Variants in SGCZ observed in about 807,000 individuals in gnomAD.
The protein encoded by SGCZ is zeta-sarcoglycan.
Under a neutral mutation model 41.3 loss-of-function variants are expected in SGCZ, and 40 were observed. That is an observed-to-expected ratio of 0.97 (90% confidence interval 0.75 to 1.26). The LOEUF is 1.26. SGCZ is among the 50% of genes most tolerant of loss of function. The pLI, the probability that SGCZ is intolerant of heterozygous loss-of-function variation, is 0.00. For synonymous variants in SGCZ, 206 were observed against 137.5 expected (o/e 1.50, Z -3.49); for missense variants, 552 against 369.8 (o/e 1.49, Z -4.04).
chr8:15,075,748 C>G (rs1013436501), intron 1 of SGCZ, among the ~76,000 whole-genome samples: 4 of 152,138 alleles, frequency 2.6e-5, no homozygotes, highest in African/African-American at 7.2e-5. Flanking sequence ...TATTACATGC[C>G]AAAGAGACAA....
intron 2 of SGCZ, among the ~76,000 whole-genome samples, chr8:14,345,384 T>C (rs1248703826): frequency 6.6e-6 from 1 of 152,140 alleles, no homozygotes; most frequent in Non-Finnish European, 1.5e-5. Context: ...TTCTGGGATA[T>C]ATGTATGTCC....
At chr8:14,634,538 C>G (rs978461404) in intron 1 of SGCZ, among the ~76,000 whole-genome samples, 4 of 151,708 alleles carry the variant, frequency 2.6e-5, no homozygotes, top group African/African-American at 9.7e-5. Flanking sequence ...TAGTGGAAGC[C>G]TTTTAAATAA....
chr8:14,674,394 A>G lies in SGCZ; in HGVS notation c.40-119468T>C, dbSNP rs1454959585. ...TAAAACAGCTCATTTTTAAGATTAAATTTACAAGAAAAAAGATAAACTAAT... is the reference window on the plus strand; with the variant it reads ...TAAAACAGCTCATTTTTAAGATTAAGTTTACAAGAAAAAAGATAAACTAAT... On this transcript the variant is annotated intron_variant, in intron 1 of 7. Coordinates refer to ENST00000382080, the MANE Select transcript of SGCZ (RefSeq NM_139167.4). Among the ~76,000 whole-genome samples the G allele has an allele frequency of 6.6e-5, 10 of 152,290 alleles. No homozygotes were observed. The East Asian group carries it at 1.9e-3, about 29-fold the overall frequency.
intron 1 of SGCZ, among the ~76,000 whole-genome samples, chr8:15,177,222 G>C (rs545943949): frequency 6.6e-6 from 1 of 152,196 alleles, no homozygotes; most frequent in Admixed American, 6.5e-5. Context: ...AGAATCAAGA[G>C]AACACAATAT....
At chr8:14,733,711 A>G (rs913266065) in intron 1 of SGCZ, among the ~76,000 whole-genome samples, 2 of 152,214 alleles carry the variant, frequency 1.3e-5, no homozygotes, top group East Asian at 3.9e-4. Flanking sequence ...CTATGCTAAC[A>G]TGAGGGAAAG....
intron 1 of SGCZ, among the ~76,000 whole-genome samples, chr8:14,895,126 T>A (rs1025248497): frequency 6.6e-6 from 1 of 152,198 alleles, no homozygotes; most frequent in Non-Finnish European, 1.5e-5. Flanking sequence ...AATATGTACT[T>A]GCTCTTAATT....
Position 14,463,359 on chromosome 8 carries a change from G to C in SGCZ, c.234+91373C>G, listed in dbSNP as rs1247721765. On this transcript the variant is annotated intron_variant, in intron 2 of 7. Coordinates refer to ENST00000382080, the MANE Select transcript of SGCZ (RefSeq NM_139167.4). ...TAGTGTAGTACTGGAATAAACACAG[G>C]CATGTAGACCAATGGAAAAGAATAC... Among the ~76,000 whole-genome samples, 5 of 149,512 alleles carry C rather than the reference G, an allele frequency of 3.3e-5. No homozygotes were observed. The South Asian group carries it at 6.3e-4, about 19-fold the overall frequency.
rs563678986 is a variant in SGCZ at position 14,965,670 on chromosome 8, T to C, written c.39+271915A>G. Among the ~76,000 whole-genome samples the C allele has an allele frequency of 3.3e-5, 5 of 152,256 alleles. No individual in the cohort carries two copies. In the East Asian group the frequency reaches 9.6e-4, roughly 29 times the overall value. ...ATAGCATTTTTATAAATCAATACAT[T>C]AAGTGGAGAAAATATAATATGGACA... On this transcript the variant is annotated intron_variant, in intron 1 of 7. Coordinates refer to ENST00000382080, the MANE Select transcript of SGCZ (RefSeq NM_139167.4).
intron 1 of SGCZ, among the ~76,000 whole-genome samples, chr8:14,711,537 G>C (rs368703806): frequency 6.7e-6 from 1 of 149,318 alleles, no homozygotes; most frequent in Admixed American, 6.7e-5. Context: ...AGGAGGCAGA[G>C]GTTGTAGTGA....
In SGCZ at chr8:15,029,752, C is replaced by G. The variant is rs183280090; in HGVS notation, c.39+207833G>C. ...TTATCAATTTTTGATTATACTTTCTCTGTTTTGGGTAGCACAGTTTCAAGC... is the reference window on the plus strand; with the variant it reads ...TTATCAATTTTTGATTATACTTTCTGTGTTTTGGGTAGCACAGTTTCAAGC... On this transcript the variant is annotated intron_variant, in intron 1 of 7. Coordinates refer to ENST00000382080, the MANE Select transcript of SGCZ (RefSeq NM_139167.4). 1.3e-4 allele frequency among the ~76,000 whole-genome samples: 20 copies of G among 152,224 alleles called. No individual in the cohort carries two copies. The East Asian group carries it at 3.7e-3, about 28-fold the overall frequency.
intron 1 of SGCZ, among the ~76,000 whole-genome samples, chr8:14,685,975 C>T (rs1296800762): frequency 6.6e-6 from 1 of 152,024 alleles, no homozygotes; most frequent in African/African-American, 2.4e-5. Flanking sequence ...TACTCAACCA[C>T]AATATGGTGG....
chr8:14,323,219 T>C (rs1332563819), intron 3 of SGCZ, among the ~76,000 whole-genome samples: 1 of 152,156 alleles, frequency 6.6e-6, no homozygotes, highest in African/African-American at 2.4e-5. Context: ...AAAATAACTT[T>C]AATACAAATT....
At chr8:14,645,645 A>G (rs1476340513) in intron 1 of SGCZ, among the ~76,000 whole-genome samples, 1 of 151,510 alleles carries the variant, frequency 6.6e-6, no homozygotes, top group Non-Finnish European at 1.5e-5. Context: ...GAACACTTAT[A>G]ACACTATTAT....
chr8:15,200,986 T>G (rs1200031200), intron 1 of SGCZ, among the ~76,000 whole-genome samples: 2 of 152,020 alleles, frequency 1.3e-5, no homozygotes, highest in African/African-American at 4.8e-5. Context: ...CTCTCTCCCT[T>G]CCCCCACTAC....
chr8:15,108,501 GT>G, intron 1 of SGCZ, among the ~76,000 whole-genome samples: 1 of 152,274 alleles, frequency 6.6e-6, no homozygotes, highest in African/African-American at 2.4e-5. Context: ...TATATATTCA[GT>G]AAACAACCAT....
At chr8:14,695,446 C>CAAAAT (rs1808928281) in intron 1 of SGCZ, among the ~76,000 whole-genome samples, 2 of 151,908 alleles carry the variant, frequency 1.3e-5, no homozygotes, top group Admixed American at 1.3e-4. Flanking sequence ...CCAAAAGTAC[C>CAAAAT]ATGTAAGAGG....
intron 1 of SGCZ, among the ~76,000 whole-genome samples, chr8:15,146,109 T>C (rs1425923055): frequency 6.6e-6 from 1 of 150,946 alleles, no homozygotes; most frequent in African/African-American, 2.4e-5. Flanking sequence ...TCTGAGCAAT[T>C]TGAAATAAAT....
At chr8:14,776,897 C>A (rs1312251894) in intron 1 of SGCZ, among the ~76,000 whole-genome samples, 2 of 152,096 alleles carry the variant, frequency 1.3e-5, no homozygotes, top group South Asian at 2.1e-4. Flanking sequence ...ATAGACTGAC[C>A]ACAGAAATGT....
intron 3 of SGCZ, among the ~76,000 whole-genome samples, chr8:14,318,528 T>C (rs536748269): frequency 9.2e-5 from 14 of 152,050 alleles, no homozygotes; most frequent in African/African-American, 3.4e-4. Flanking sequence ...GATAAACTAA[T>C]GTGGATAGAG....
Sources: gnomAD v4.1 joint callset for allele counts (sites outside exome capture counted in the v4.1 genomes callset) on GRCh38, gnomAD v4.1.1 for gene constraint, MANE v1.5 for transcripts, NCBI Gene and HGNC (gene_info 2026-07-23, HGNC 2026-07-21) for gene names.